The following TTC39B variants were observed in gnomAD, a reference collection of about 807,000 sequenced individuals.
The protein encoded by TTC39B is tetratricopeptide repeat domain 39B.
In TTC39B, 92 loss-of-function variants were observed where a neutral mutation model predicts 96.6. That is an observed-to-expected ratio of 0.95 (90% CI 0.80 to 1.13). The LOEUF is 1.13. Ranked by LOEUF, TTC39B falls within the 50% of genes most tolerant of loss-of-function variation. TTC39B has a pLI of 0.00. For synonymous variants in TTC39B, 367 were observed against 299.4 expected, an observed-to-expected ratio of 1.23 and a Z score of -2.33; for missense variants, 955 against 809.3, an observed-to-expected ratio of 1.18 and a Z score of -2.18.
At chr9:15,260,978 A>T (rs2131534137) in intron 2 of TTC39B, among the ~76,000 whole-genome samples, 1 of 152,344 alleles carries the variant, frequency 6.6e-6, no homozygotes, top group South Asian at 2.1e-4. Context: ...TTTCCGTAAG[A>T]TGCTCTGGAA....
At chr9:15,207,798 C>T (rs908598307) in intron 6 of TTC39B, among the ~76,000 whole-genome samples, 4 of 151,468 alleles carry the variant, frequency 2.6e-5, no homozygotes, top group Non-Finnish European at 5.9e-5. Context: ...TCCTGGCTAA[C>T]GTGGTGAAAC....
In TTC39B at chr9:15,278,454, T is replaced by C. The variant is rs182641885; in HGVS notation, c.241-10506A>G. 3.1e-3 allele frequency among the ~76,000 whole-genome samples: 469 copies of C among 152,354 alleles called. 2 individuals are homozygous for C. Among genetic ancestry groups the C allele is most frequent in the African/African-American group, 0.011 (442 of 41,580 alleles). The stretch of plus-strand genomic sequence containing the variant: ...CTGTGCATATTTCTAAGTTACTGCT[T>C]TTATGGCTGTACAATCCACCTTGTA... On this transcript the variant is annotated intron_variant, in intron 1 of 19. Transcript: ENST00000512701.
At chr9:15,261,734 C>A (rs1331444266) in intron 2 of TTC39B, among the ~76,000 whole-genome samples, 1 of 152,160 alleles carries the variant, frequency 6.6e-6, no homozygotes, top group African/African-American at 2.4e-5. Flanking sequence ...AATGCCAGCA[C>A]CCCCATCTCC....
chr9:15,271,480 C>T (rs1823350374), intron 1 of TTC39B, among the ~76,000 whole-genome samples: 2 of 152,124 alleles, frequency 1.3e-5, no homozygotes, highest in Non-Finnish European at 2.9e-5. Context: ...ACTGTTCCAC[C>T]TCAGATCATC....
chr9:15,206,373 C>G (rs1819856833), intron 6 of TTC39B, among the ~76,000 whole-genome samples: 1 of 152,210 alleles, frequency 6.6e-6, no homozygotes, highest in African/African-American at 2.4e-5. Flanking sequence ...AAAAACAAAT[C>G]ACACACTAAA....
intron 2 of TTC39B, among the ~76,000 whole-genome samples, chr9:15,230,070 A>C (rs1363517450): frequency 6.6e-6 from 1 of 152,206 alleles, no homozygotes; most frequent in Non-Finnish European, 1.5e-5. Flanking sequence ...TGAACACTGC[A>C]CTGATATGCA....
At chr9:15,211,691 T>C (rs1487618268) in intron 4 of TTC39B, among the ~76,000 whole-genome samples, 3 of 152,160 alleles carry the variant, frequency 2.0e-5, no homozygotes, top group Non-Finnish European at 4.4e-5. Context: ...CTGTTTTCTG[T>C]TGAAAAAGGG....
At chr9:15,267,864 C>T (rs748185568) in intron 2 of TTC39B, 50 bp downstream of exon 2, 3 of 1,493,922 alleles carry the variant, frequency 2.0e-6, no homozygotes, top group Non-Finnish European at 2.8e-6. Flanking sequence ...TTATGTAAGA[C>T]AACCATCAAT....
At chr9:15,219,701 T>A (rs1168508687) in intron 3 of TTC39B, among the ~76,000 whole-genome samples, 1 of 152,110 alleles carries the variant, frequency 6.6e-6, no homozygotes, top group Non-Finnish European at 1.5e-5. Flanking sequence ...TCATTCCTCC[T>A]CTGAGAAAGG....
At chr9:15,209,953 C>T in intron 6 of TTC39B, 135 bp downstream of exon 6, 1 of 657,042 alleles carries the variant, frequency 1.5e-6, no homozygotes, top group Non-Finnish European at 2.6e-6. Context: ...ACAATGATTT[C>T]TTCCAGAGGG....
At chr9:15,218,635 A>AATATATATATATATATATAT (rs1554774372) in intron 3 of TTC39B, among the ~76,000 whole-genome samples, 4 of 149,530 alleles carry the variant, frequency 2.7e-5, no homozygotes, top group South Asian at 2.1e-4. Context: ...GTCTATTTTA[A>AATATATATATATATATATAT]ATATATATAT....
intron 3 of TTC39B, among the ~76,000 whole-genome samples, chr9:15,220,627 A>G (rs1467266636): frequency 6.6e-6 from 1 of 152,220 alleles, no homozygotes; most frequent in Non-Finnish European, 1.5e-5. Context: ...AAAGAATAAT[A>G]GGGTGCTCAT....
chr9:15,244,528 T>C (rs1454546661), intron 2 of TTC39B, among the ~76,000 whole-genome samples: 1 of 152,242 alleles, frequency 6.6e-6, no homozygotes, highest in East Asian at 1.9e-4. Flanking sequence ...AAATCGCTTT[T>C]TAAACTGAAA....
intron 9 of TTC39B, among the ~76,000 whole-genome samples, chr9:15,192,295 A>G (rs1818902986): frequency 6.6e-6 from 1 of 152,194 alleles, no homozygotes; most frequent in Non-Finnish European, 1.5e-5. Flanking sequence ...CATTGCAACA[A>G]TATTTCTGCT....
exon 5 of TTC39B, chr9:15,211,373 G>C: frequency 3.8e-6 from 6 of 1,588,228 alleles, no homozygotes; most frequent in Non-Finnish European, 5.1e-6. Flanking sequence ...TGTAGCCCAA[G>C]GCATGGTACA....
chr9:15,194,176 T>C (rs966785160), intron 8 of TTC39B, among the ~76,000 whole-genome samples: 19 of 152,214 alleles, frequency 1.2e-4, no homozygotes, highest in Non-Finnish European at 4.4e-5. Context: ...GTAATAATTT[T>C]CAAATTATTT....
In TTC39B at chr9:15,179,105, C is replaced by G. The variant is rs16932763; in HGVS notation, c.1724-1291G>C. ...GCTCTCTGCCTTCTACAGCCCAAGA[C>G]AAATGTGTGTTAAACAGAAGGAACC... On this transcript the variant is annotated intron_variant, in intron 17 of 19. Coordinates refer to ENST00000512701, the Ensembl canonical transcript of TTC39B. 8.8e-3 allele frequency among the ~76,000 whole-genome samples: 1,335 copies of G among 152,284 alleles called. 19 individuals are homozygous for G. The highest frequency in any genetic ancestry group is 0.031 in the African/African-American group (1,277 of 41,560).
intron 1 of TTC39B, among the ~76,000 whole-genome samples, chr9:15,300,208 G>A (rs548419248): frequency 6.6e-6 from 1 of 152,226 alleles, no homozygotes; most frequent in East Asian, 1.9e-4. Context: ...TCATCTGCTT[G>A]CTGTCCTTCC....
At chr9:15,261,478 A>C (rs962807412) in intron 2 of TTC39B, among the ~76,000 whole-genome samples, 10 of 152,116 alleles carry the variant, frequency 6.6e-5, no homozygotes, top group Non-Finnish European at 1.2e-4. Flanking sequence ...CTATCAAAAA[A>C]AAACAAAAAC....
Sources: gnomAD v4.1 joint callset for allele counts (sites outside exome capture counted in the v4.1 genomes callset) on GRCh38, gnomAD v4.1.1 for gene constraint, MANE v1.5 for transcripts, NCBI Gene and HGNC (gene_info 2026-07-23, HGNC 2026-07-21) for gene names.